The following ZFHX3 variants were observed in gnomAD, a reference collection of about 807,000 sequenced individuals.
The protein encoded by ZFHX3 is zinc finger homeobox 3, also known as zinc finger homeobox protein 3.
In ZFHX3, 42 loss-of-function variants were observed where a neutral mutation model predicts 279.1. The observed-to-expected ratio is 0.15, with a 90% CI of 0.12 to 0.19. The LOEUF (loss-of-function observed/expected upper bound fraction) is 0.19. ZFHX3 is among the 10% of genes least tolerant of loss of function. The pLI is 1.00. For synonymous variants in ZFHX3, 2,293 were observed against 1,957.8 expected (o/e 1.17, Z -4.52); for missense variants, 4,981 against 4,754.0 (o/e 1.05, Z -1.40).
chr16:72,996,238 C>T (rs1248647862), intron 1 of ZFHX3, among the ~76,000 whole-genome samples: 3 of 152,150 alleles, frequency 2.0e-5, no homozygotes, highest in Admixed American at 6.5e-5. Flanking sequence ...GAGCTGAGCT[C>T]GTGCCACTGC....
chr16:73,033,489 G>A (rs115327197), intron 1 of ZFHX3, among the ~76,000 whole-genome samples: 5,717 of 152,162 alleles, frequency 0.038, 361 homozygotes, highest in African/African-American at 0.13. Flanking sequence ...CCTCTAAAAC[G>A]TGAACAGTTT....
At chr16:73,815,242 G>A (rs547984775) in intron 1 of ZFHX3, among the ~76,000 whole-genome samples, 75 of 152,334 alleles carry the variant, frequency 4.9e-4, no homozygotes, top group South Asian at 4.1e-3. Flanking sequence ...ACCAGGCTGT[G>A]TCTTTTCAAA....
rs766792088 is a variant in ZFHX3, at chr16:72,957,460, C to T, written c.2686G>A (p.Ala896Thr). ...GGCGTCATGGCGGCCATGGGCCCGG[C>T]GGGATCCAGCTGGAATCCGCTCATC... is the stretch of plus-strand genomic sequence containing the variant. The part of the protein sequence containing the change: ...FMMSGFQLDP[A>T]GPMAAMTPAL... Residue 896 changes from alanine to threonine, a missense_variant, in exon 2 of 10, where the codon GCC becomes ACC. Physicochemically the swap from Ala to Thr is moderately conservative, Grantham distance 58. Transcript: ENST00000268489. The T allele has an allele frequency of 1.1e-4, 174 of 1,612,826 alleles. 1 individual carries two copies. In the South Asian group the frequency reaches 1.7e-3, roughly 15 times the overall value.
intron 7 of ZFHX3, among the ~76,000 whole-genome samples, chr16:73,105,929 A>ACCCCTCCCCCCCCCCCC (rs1966298278): frequency 9.0e-6 from 1 of 110,846 alleles, no homozygotes; most frequent in Non-Finnish European, 1.8e-5. Context: ...ATGTACACGG[A>ACCCCTCCCCCCCCCCCC]CCCCCTCCCC....
Position 73,523,455 on chromosome 16 carries a change from G to A in ZFHX3, c.-1546-67197C>T, listed in dbSNP as rs368563238. ...TGGTGCTGTCTTCCTGTGCAGGGTG[G>A]CCCTGTCCCATGTTCTGAGTTCATT... On this transcript the variant is annotated intron_variant, in intron 2 of 17. Transcript: ENST00000641206. 3.3e-5 allele frequency among the ~76,000 whole-genome samples: 5 copies of A among 152,084 alleles called. No homozygotes were observed. In the East Asian group the frequency reaches 9.7e-4, roughly 29 times the overall value.
chr16:73,567,471 C>T (rs2020467841), intron 2 of ZFHX3, among the ~76,000 whole-genome samples: 1 of 152,212 alleles, frequency 6.6e-6, no homozygotes. Flanking sequence ...TTGGGACATC[C>T]TGCCAGTGCT....
At chr16:73,478,337 C>G (rs1021237652) in intron 2 of ZFHX3, among the ~76,000 whole-genome samples, 1 of 150,714 alleles carries the variant, frequency 6.6e-6, no homozygotes, top group Admixed American at 6.6e-5. Flanking sequence ...GGGACTTGAA[C>G]CCTGGACCCT....
At chr16:73,797,735 G>C (rs78073378) in intron 1 of ZFHX3, among the ~76,000 whole-genome samples, 4 of 150,588 alleles carry the variant, frequency 2.7e-5, no homozygotes, top group Non-Finnish European at 4.4e-5. Context: ...CAGTTTCTTC[G>C]TCTAAAAATT....
At chr16:73,108,064 G>C (rs1272925167) in intron 7 of ZFHX3, among the ~76,000 whole-genome samples, 2 of 152,196 alleles carry the variant, frequency 1.3e-5, no homozygotes, top group Non-Finnish European at 2.9e-5. Context: ...GGGAGGCCGA[G>C]GCAGGAGAAT....
chr16:73,601,036 GT>G (rs2052109365), intron 2 of ZFHX3, among the ~76,000 whole-genome samples: 1 of 151,610 alleles, frequency 6.6e-6, no homozygotes, highest in South Asian at 2.1e-4. Flanking sequence ...AATGTTGAGT[GT>G]TTTATTAGCA....
chr16:72,941,940 T>C (rs1441555616), intron 3 of ZFHX3, among the ~76,000 whole-genome samples: 8 of 152,216 alleles, frequency 5.3e-5, no homozygotes, highest in Non-Finnish European at 1.0e-4. Flanking sequence ...ATGGTTTTCA[T>C]AGTAACAGCC....
intron 1 of ZFHX3, among the ~76,000 whole-genome samples, chr16:73,021,101 C>T (rs1966288554): frequency 6.6e-6 from 1 of 152,224 alleles, no homozygotes; most frequent in Non-Finnish European, 1.5e-5. Flanking sequence ...TGGCACCTTA[C>T]CCTTTTACTC....
Position 73,753,985 on chromosome 16 carries a change from A to AGTGTGTGTGTGTGTGTGTGTGTGTGT in ZFHX3, c.-1607-73746_-1607-73745insACACACACACACACACACACACACAC, listed in dbSNP as rs2053783574. Reference sequence around the variant, plus strand: ...AGTAATGAGAAAAATAGTAAGAATCAATGTGTGTGTGTGTGTGTGTGTAAA... The same window carrying AGTGTGTGTGTGTGTGTGTGTGTGTGT: ...AGTAATGAGAAAAATAGTAAGAATCAGTGTGTGTGTGTGTGTGTGTGTGTGTATGTGTGTGTGTGTGTGTGTGTAAA... On this transcript the variant is annotated intron_variant, in intron 1 of 17. Transcript: ENST00000641206. Among the ~76,000 whole-genome samples, 10 of 29,452 alleles carry AGTGTGTGTGTGTGTGTGTGTGTGTGT rather than the reference A, an allele frequency of 3.4e-4. No homozygotes were observed. The South Asian group carries it at 0.011, about 33-fold the overall frequency. The allele number at this position is 29,452 out of a possible 152,430, so 19.3% of individuals were successfully genotyped here.
rs1966830766 is a variant in ZFHX3, at chr16:73,138,453, T to C, written c.-1024+5299A>G. Among the ~76,000 whole-genome samples, 6 of 152,120 alleles carry C rather than the reference T, an allele frequency of 3.9e-5. No homozygotes were observed. In the South Asian group the frequency reaches 1.0e-3, roughly 26 times the overall value. ...CCGCTGCAGAGAGAGCTGTGAGATA[T>C]GCCAGGGCTCTGAAGACCAGGGCAA... On this transcript the variant is annotated intron_variant, in intron 6 of 17. Transcript: ENST00000641206.
At position 72,812,013 on chromosome 16, in the gene ZFHX3, C is replaced by T. The variant is rs772279412; in HGVS notation, c.3555G>A (p.Glu1185=). The T allele has an allele frequency of 6.2e-7, 1 of 1,614,148 alleles. No individual in the cohort carries two copies. Among genetic ancestry groups the T allele is most frequent in the Non-Finnish European group, 8.5e-7 (1 of 1,180,038 alleles). The change falls in exon 6 of 10, where the codon GAG becomes GAA. Residue 1185 remains glutamate (E), a synonymous_variant. Transcript: ENST00000268489. The part of the protein sequence containing the change: ...GGASSSQAEK[E]LTDSPATSKR... ...TGGAGGTTGCAGGAGAATCTGTCAGCTCCTTCTCTGCTTGGCTGGACGATG... is the reference window on the plus strand; with the variant it reads ...TGGAGGTTGCAGGAGAATCTGTCAGTTCCTTCTCTGCTTGGCTGGACGATG...
rs75109526 is a variant in ZFHX3 at position 73,817,781 on chromosome 16, G to A, written c.-1608+73870C>T. ...AGTACTGCATTAGTCTATAAACGCC[G>A]AAAGAAATGCTTAGTTCACCTCGCT... is the stretch of plus-strand genomic sequence containing the variant. On this transcript the variant is annotated intron_variant, in intron 1 of 17. Transcript: ENST00000641206. 3.4e-3 allele frequency among the ~76,000 whole-genome samples: 510 copies of A among 152,230 alleles called. 1 individual carries two copies. Among genetic ancestry groups the A allele is most frequent in the African/African-American group, 0.012 (479 of 41,518 alleles).
intron 2 of ZFHX3, among the ~76,000 whole-genome samples, chr16:73,626,572 T>C (rs1169580100): frequency 6.6e-6 from 1 of 152,232 alleles, no homozygotes; most frequent in Non-Finnish European, 1.5e-5. Flanking sequence ...TGATGTGAGA[T>C]GATATCCACC....
intron 3 of ZFHX3, among the ~76,000 whole-genome samples, chr16:72,918,558 C>A (rs2039501265): frequency 6.6e-6 from 1 of 152,102 alleles, no homozygotes; most frequent in South Asian, 2.1e-4. Flanking sequence ...AGTATCTCTA[C>A]CCCTGCAGGT....
At chr16:73,518,925 A>G (rs895982031) in intron 2 of ZFHX3, among the ~76,000 whole-genome samples, 6 of 152,222 alleles carry the variant, frequency 3.9e-5, no homozygotes, top group Non-Finnish European at 8.8e-5. Flanking sequence ...TTCGTGGCAC[A>G]TAAGAGGCAA....
Sources: allele counts gnomAD v4.1 joint callset (sites outside exome capture counted in the v4.1 genomes callset), GRCh38; gene constraint gnomAD v4.1.1; transcripts MANE v1.5; gene names NCBI Gene and HGNC (gene_info 2026-07-23, HGNC 2026-07-21).